TKTL1: variants seen among roughly 807,000 people sequenced by gnomAD.
TKTL1 encodes the protein transketolase-like protein 1.
In TKTL1, 1 loss-of-function variant was observed where a neutral mutation model predicts 39.3. The ratio of observed to expected loss-of-function variants is 0.03; its 90% confidence interval spans 0.01 to 0.12. TKTL1 has a LOEUF of 0.12. TKTL1 is among the 10% of genes least tolerant of loss of function. The pLI, the probability that TKTL1 is intolerant of heterozygous loss-of-function variation, is 1.00. For synonymous variants in TKTL1, 262 were observed against 193.8 expected (o/e 1.35, Z -2.92); for missense variants, 575 against 509.6 (o/e 1.13, Z -1.24).
chrX:154,298,288 C>T (rs1466720993), intron 1 of TKTL1, among the ~76,000 whole-genome samples: 5 of 110,983 alleles, frequency 4.5e-5, no homozygotes, highest in Non-Finnish European at 7.5e-5. Context: ...TCATAGTTCA[C>T]TGCAGCCTCG....
chrX:154,316,752 T>G (rs2067403147), intron 7 of TKTL1, among the ~76,000 whole-genome samples: 1 of 100,838 alleles, frequency 9.9e-6, no homozygotes, highest in Non-Finnish European at 2.0e-5. Flanking sequence ...GTTTTGTGGT[T>G]TTTGGTTTTT....
At chrX:154,304,957 C>T (rs1369366807) in intron 1 of TKTL1, 2 of 940,118 alleles carry the variant, frequency 2.1e-6, no homozygotes, top group African/African-American at 4.0e-5. Flanking sequence ...ATCTTCATGG[C>T]ATTTCTGATT....
chrX:154,316,985 G>A (rs1642675801), intron 7 of TKTL1, among the ~76,000 whole-genome samples: 1 of 110,516 alleles, frequency 9.0e-6, no homozygotes, highest in Non-Finnish European at 1.9e-5. Context: ...GGTCAGGCTG[G>A]TCTCCAACTC....
intron 10 of TKTL1, 66 bp from the exon 11 acceptor site, chrX:154,327,525 C>A: frequency 1.0e-6 from 1 of 983,305 alleles, no homozygotes; most frequent in South Asian, 1.9e-5. Context: ...AGCAAAGTGC[C>A]TTCCACTTTG....
At chrX:154,309,890 A>C (rs1424442961) in intron 3 of TKTL1, among the ~76,000 whole-genome samples, 2 of 109,356 alleles carry the variant, frequency 1.8e-5, no homozygotes, top group African/African-American at 6.7e-5. Flanking sequence ...ATGCACCACC[A>C]TGCCCAGCTA....
At chrX:154,315,937 G>A (rs1169338815) in intron 7 of TKTL1, among the ~76,000 whole-genome samples, 1 of 111,622 alleles carries the variant, frequency 9.0e-6, no homozygotes, top group Non-Finnish European at 1.9e-5. Flanking sequence ...AGAGGAAGGA[G>A]TTATGGCCAG....
chrX:154,309,565 C>G (rs2067340022), intron 3 of TKTL1, 123 bp downstream of exon 3: 1 of 571,334 alleles, frequency 1.8e-6, no homozygotes, highest in African/African-American at 2.3e-5. Context: ...CCCATCACAT[C>G]CCGTGGTGAC....
chrX:154,326,306 G>A (rs928189540), intron 10 of TKTL1, among the ~76,000 whole-genome samples: 18 of 112,196 alleles, frequency 1.6e-4, no homozygotes, highest in African/African-American at 5.5e-4. Flanking sequence ...GAGAAAAGCA[G>A]AAACGTCTAT....
chrX:154,308,823 G>A (rs1805001542), intron 2 of TKTL1, among the ~76,000 whole-genome samples: 1 of 110,477 alleles, frequency 9.1e-6, no homozygotes, highest in African/African-American at 3.3e-5. Flanking sequence ...AGATGAGCAC[G>A]TGTAAGATCT....
rs371613816 is a variant in TKTL1, at chrX:154,295,876, C to T, written c.17C>T (p.Ala6Val). Reference protein sequence around the residue: MADAEARAEFPEEARP... With the variant: MADAEVRAEFPEEARP... Reference sequence around the variant, plus strand: ...GTTGGACTAATGGCGGATGCTGAGGCGAGGGCTGAGTTCCCGGAGGAGGCC... The same window carrying T: ...GTTGGACTAATGGCGGATGCTGAGGTGAGGGCTGAGTTCCCGGAGGAGGCC... Residue 6 changes from alanine to valine, a missense_variant, in exon 1 of 13, where the codon GCG becomes GTG. By Grantham distance (64) the Ala-to-Val change is moderately conservative. Coordinates refer to ENST00000369915, the MANE Select transcript of TKTL1 (RefSeq NM_012253.4). 36 of 1,209,671 alleles carry T rather than the reference C, an allele frequency of 3.0e-5. No homozygotes were observed. Among genetic ancestry groups the T allele is most frequent in the Middle Eastern group, 2.3e-4 (1 of 4,368 alleles).
rs2067477576 is a variant in TKTL1, at chrX:154,324,427, A to C, written c.1318-912A>C. ...AGTGCAGGGATTATAGGCATGAGCC[A>C]CCGCACCTGGCCAATTGTGTACTTT... On this transcript the variant is annotated intron_variant, in intron 9 of 12. Coordinates refer to ENST00000369915, the MANE Select transcript of TKTL1 (RefSeq NM_012253.4). 3.5e-5 allele frequency among the ~76,000 whole-genome samples: 4 copies of C among 112,838 alleles called. No homozygotes were observed. In the South Asian group the frequency reaches 1.4e-3, roughly 40 times the overall value.
intron 1 of TKTL1, among the ~76,000 whole-genome samples, chrX:154,303,769 C>CTTCA (rs1245655281): frequency 9.2e-6 from 1 of 108,807 alleles, no homozygotes; most frequent in Non-Finnish European, 1.9e-5. Flanking sequence ...AAGCAAAAGG[C>CTTCA]ACTGAAAATA....
Position 154,311,205 on chromosome X carries a change from G to T in TKTL1, c.637G>T (p.Val213Leu). Reference protein sequence around the residue: ...SQVKHKPTAVVAKTFKGRGTP... With the variant: ...SQVKHKPTAVLAKTFKGRGTP... ...GGTGAAGCACAAGCCCACTGCTGTGGTGGCCAAGACCTTCAAGGGCCGGGG... is the reference window on the plus strand; with the variant it reads ...GGTGAAGCACAAGCCCACTGCTGTGTTGGCCAAGACCTTCAAGGGCCGGGG... Residue 213 changes from valine to leucine, a missense_variant, in exon 5 of 13, where the codon GTG becomes TTG. By Grantham distance (32) the Val-to-Leu change is conservative (BLOSUM62 1). Transcript: ENST00000369915. 8.3e-7 allele frequency: 1 copy of T among 1,212,051 alleles called. No homozygotes were observed. Among genetic ancestry groups the T allele is most frequent in the Non-Finnish European group, 1.1e-6 (1 of 895,551 alleles).
rs377578524 is a variant in TKTL1 at position 154,295,824 on chromosome X, A to G, written c.-36A>G. On this transcript the variant is annotated 5_prime_UTR_variant, in exon 1 of 13. Coordinates refer to ENST00000369915, the MANE Select transcript of TKTL1 (RefSeq NM_012253.4). ...TTCGCTCTTCAGACGCCGGAGACGT[A>G]GGAGTGGGTCTTCAGACTCCAAAGG... 1.2e-4 allele frequency: 148 copies of G among 1,197,528 alleles called. No homozygotes were observed. The African/African-American group carries it at 1.6e-3, about 13-fold the overall frequency.
At chrX:154,315,783 A>G (rs1209747917) in intron 7 of TKTL1, among the ~76,000 whole-genome samples, 1 of 112,363 alleles carries the variant, frequency 8.9e-6, no homozygotes, top group African/African-American at 3.2e-5. Context: ...CAAATGTTGC[A>G]CTTACTTCAA....
At chrX:154,300,800 G>A (rs1435220561) in intron 1 of TKTL1, among the ~76,000 whole-genome samples, 10 of 110,841 alleles carry the variant, frequency 9.0e-5, no homozygotes, top group Admixed American at 8.6e-4. Flanking sequence ...GGGTTCAAGC[G>A]ATTCTCCTGC....
At chrX:154,318,464 C>T (rs1797684868) in intron 7 of TKTL1, among the ~76,000 whole-genome samples, 1 of 107,376 alleles carries the variant, frequency 9.3e-6, no homozygotes, top group Non-Finnish European at 1.9e-5. Flanking sequence ...CTTTGGGAGG[C>T]CGAGGCGGAC....
chrX:154,296,843 C>T (rs1261280614), intron 1 of TKTL1, among the ~76,000 whole-genome samples: 2 of 111,746 alleles, frequency 1.8e-5, no homozygotes, highest in Non-Finnish European at 3.8e-5. Context: ...AGATGGCGAA[C>T]CTCTGTACAA....
intron 2 of TKTL1, 24 bp from the exon 3 acceptor site, chrX:154,309,321 C>G (rs373688645): frequency 8.5e-7 from 1 of 1,178,919 alleles, no homozygotes; most frequent in African/African-American, 1.8e-5. Flanking sequence ...TGCGTCTGGG[C>G]TCACTGGGTC....
Sources: gnomAD v4.1 joint callset for allele counts (sites outside exome capture counted in the v4.1 genomes callset) on GRCh38, gnomAD v4.1.1 for gene constraint, MANE v1.5 for transcripts, NCBI Gene and HGNC (gene_info 2026-07-23, HGNC 2026-07-21) for gene names.